The following CHRNA2 variants were observed in gnomAD, a reference collection of about 807,000 sequenced individuals.
CHRNA2 encodes cholinergic receptor nicotinic alpha 2 subunit.
CHRNA2 carries 40 observed loss-of-function variants against 45.5 expected under a neutral mutation model. The observed-to-expected ratio is 0.88, with a 90% CI of 0.68 to 1.15. CHRNA2 has a LOEUF of 1.15. CHRNA2 is among the 50% of genes most tolerant of loss of function. The pLI, the probability that CHRNA2 is intolerant of heterozygous loss-of-function variation, is 0.00. For missense variants in CHRNA2, 655 were observed against 701.7 expected (o/e 0.93, Z 0.75); for synonymous variants, 301 against 296.7 (o/e 1.01, Z -0.15).
At chr8:27,474,487 C>T (rs75018446) in intron 1 of CHRNA2, among the ~76,000 whole-genome samples, 2,383 of 152,288 alleles carry the variant, frequency 0.016, 64 homozygotes, top group African/African-American at 0.055. Flanking sequence ...TAGAGGTTCC[C>T]GGTTCCTTCC....
intron 4 of CHRNA2, among the ~76,000 whole-genome samples, chr8:27,468,768 T>G (rs1005473325): frequency 5.3e-5 from 8 of 152,192 alleles, no homozygotes; most frequent in African/African-American, 1.9e-4. Flanking sequence ...TATCACAAAG[T>G]AACCCTAGTG....
At chr8:27,462,925 C>G in intron 6 of CHRNA2, 54 bp downstream of exon 6, 5 of 1,610,966 alleles carry the variant, frequency 3.1e-6, no homozygotes, top group Non-Finnish European at 4.2e-6. Context: ...AAGGTGGTTC[C>G]CCGCTAAGTT....
intron 1 of CHRNA2, among the ~76,000 whole-genome samples, chr8:27,478,106 C>T (rs928716994): frequency 7.2e-5 from 11 of 152,194 alleles, no homozygotes; most frequent in African/African-American, 2.4e-4. Context: ...GCTTCCATCC[C>T]ACCTGGTTCC....
intron 1 of CHRNA2, among the ~76,000 whole-genome samples, chr8:27,472,517 T>G (rs1457286862): frequency 6.6e-6 from 1 of 152,148 alleles, no homozygotes; most frequent in Non-Finnish European, 1.5e-5. Flanking sequence ...CCGTGTTGAT[T>G]GTTGTGGGGT....
intron 5 of CHRNA2, among the ~76,000 whole-genome samples, chr8:27,466,179 T>A (rs1276507214): frequency 1.3e-5 from 2 of 152,010 alleles, no homozygotes; most frequent in African/African-American, 2.4e-5. Flanking sequence ...GATGAACACG[T>A]GTTCCCCAAA....
chr8:27,469,522 C>T (rs1166888705), intron 3 of CHRNA2, 143 bp from the exon 4 acceptor site: 3 of 946,968 alleles, frequency 3.2e-6, no homozygotes, highest in East Asian at 2.6e-5. Context: ...AAACCTGCCA[C>T]CCTTACTCAG....
At chr8:27,469,177 AG>A (rs961710939) in intron 4 of CHRNA2, among the ~76,000 whole-genome samples, 157 bp downstream of exon 4, 10 of 152,156 alleles carry the variant, frequency 6.6e-5, no homozygotes, top group Admixed American at 2.6e-4. Context: ...CTGTGGAAAA[AG>A]TCAGCTTTGG....
rs770174446 is a variant in CHRNA2 at position 27,471,153 on chromosome 8, G to A, written c.-95C>T. On this transcript the variant is annotated 5_prime_UTR_variant, in exon 2 of 7. Transcript: ENST00000407991. Reference sequence around the variant, plus strand: ...GCAGAGCTGCTGCTGGATTCTGTGAGGATTCTGCTGGATTCTGCGAGGCTT... The same window carrying A: ...GCAGAGCTGCTGCTGGATTCTGTGAAGATTCTGCTGGATTCTGCGAGGCTT... 1.3e-5 allele frequency: 15 copies of A among 1,128,118 alleles called. No individual in the cohort carries two copies. In the Middle Eastern group the frequency reaches 6.1e-4, roughly 46 times the overall value. The allele number at this position is 1,128,118 out of a possible 1,614,324, so 69.9% of individuals were successfully genotyped here. A position where few individuals can be genotyped will look rare whatever the true frequency, so the allele number is the denominator to read the frequency against.
chr8:27,463,216 A>T lies in CHRNA2; in HGVS notation c.1227T>A (p.Asp409Glu). Residue 409 changes from aspartate to glutamate, a missense_variant, in exon 6 of 7, where the codon GAT becomes GAA. Coordinates refer to ENST00000407991, the MANE Select transcript of CHRNA2 (RefSeq NM_000742.4). The surrounding 1 kb of genome is among the most constrained non-coding windows in gnomAD (Gnocchi z 6.1). The stretch of plus-strand genomic sequence containing the variant: ...CCACCACCACCTCCCTCTCCTCGGC[A>T]TCCACGTTGCTCTCCAGCCAGTGAT... ...PSYHWLESNV[D>E]AEEREVVVEE... 1 of 1,589,678 alleles carries T rather than the reference A, an allele frequency of 6.3e-7. No homozygotes were observed.
chr8:27,462,895 CCAAGCTCA>C, intron 6 of CHRNA2, 76 bp downstream of exon 6: 1 of 1,576,254 alleles, frequency 6.3e-7, no homozygotes, highest in African/African-American at 1.3e-5. Flanking sequence ...CCTGGGCTGC[CCAAGCTCA>C]CACTCTGCGG....
chr8:27,465,938 A>G (rs1265260615), intron 5 of CHRNA2, among the ~76,000 whole-genome samples: 1 of 152,188 alleles, frequency 6.6e-6, no homozygotes, highest in African/African-American at 2.4e-5. Context: ...CTTGTAATAA[A>G]TCAGGTAACA....
At chr8:27,465,740 A>G (rs1812678360) in intron 5 of CHRNA2, among the ~76,000 whole-genome samples, 1 of 152,150 alleles carries the variant, frequency 6.6e-6, no homozygotes, top group African/African-American at 2.4e-5. Context: ...AAAACAAAAA[A>G]TTTTTAAGCA....
chr8:27,461,814 C>CA, intron 6 of CHRNA2, 60 bp from the exon 7 acceptor site: 1 of 1,611,720 alleles, frequency 6.2e-7, no homozygotes. Context: ...TGTGTTCCCC[C>CA]CATTCACAGC....
At position 27,463,255 on chromosome 8, in the gene CHRNA2, C is replaced by T. The variant is rs1812566372; in HGVS notation, c.1188G>A (p.Lys396=). The stretch of plus-strand genomic sequence containing the variant: ...CCAGCCAGTGATAAGAGGGGCTGAG[C>T]TTCAGGCGTAGGGGGTGGCAGAGCT... ...PVELCHPLRL[K]LSPSYHWLES... Residue 396 remains lysine (K), a synonymous_variant, in exon 6 of 7, where the codon AAG becomes AAA. Transcript: ENST00000407991. The surrounding 1 kb of genome is among the most constrained non-coding windows in gnomAD (Gnocchi z 6.1). The T allele has an allele frequency of 3.8e-6, 6 of 1,599,880 alleles. No homozygotes were observed. The African/African-American group carries it at 5.3e-5, about 14-fold the overall frequency.
intron 3 of CHRNA2, 172 bp downstream of exon 3, chr8:27,469,589 C>T (rs1387556243): frequency 3.3e-6 from 3 of 901,828 alleles, no homozygotes; most frequent in East Asian, 5.3e-5. Flanking sequence ...GGAGGGAGCT[C>T]CAGAGCTGGG....
At chr8:27,470,002 C>G (rs752881627) in intron 2 of CHRNA2, 21 bp from the exon 3 acceptor site, 1 of 1,604,750 alleles carries the variant, frequency 6.2e-7, no homozygotes, top group South Asian at 1.1e-5. Context: ...ATCAGAGCCA[C>G]TCAGCCTCAC....
chr8:27,470,065 T>C (rs1812829291), intron 2 of CHRNA2, 84 bp from the exon 3 acceptor site: 1 of 1,260,024 alleles, frequency 7.9e-7, no homozygotes, highest in Non-Finnish European at 1.1e-6. Context: ...AGAACCTATC[T>C]CAAAACATTG....
At chr8:27,469,506 A>G (rs1437541831) in intron 3 of CHRNA2, 127 bp from the exon 4 acceptor site, 21 of 1,045,364 alleles carry the variant, frequency 2.0e-5, no homozygotes, top group Non-Finnish European at 3.0e-5. Context: ...CCCGCCACCC[A>G]CTCTGAAACC....
intron 1 of CHRNA2, among the ~76,000 whole-genome samples, chr8:27,475,817 G>A (rs1400294291): frequency 6.6e-6 from 1 of 152,198 alleles, no homozygotes; most frequent in African/African-American, 2.4e-5. Flanking sequence ...TGATCTGAAA[G>A]GTCAAATGGG....
Sources: gnomAD v4.1 joint callset for allele counts (sites outside exome capture counted in the v4.1 genomes callset) on GRCh38, gnomAD v4.1.1 for gene constraint, Gnocchi (gnomAD v3.1) non-coding constraint, MANE v1.5 for transcripts, NCBI Gene and HGNC (gene_info 2026-07-23, HGNC 2026-07-21) for gene names.